Variants in PCDH15 observed in about 807,000 individuals in gnomAD.
PCDH15 encodes the protein protocadherin related 15.
PCDH15 carries 129 observed loss-of-function variants against 178.5 expected under a neutral mutation model. The ratio of observed to expected loss-of-function variants is 0.72; its 90% CI spans 0.63 to 0.84. The LOEUF (loss-of-function observed/expected upper bound fraction) is 0.84, where lower values mean the gene tolerates loss of function less well. Ranked by LOEUF, PCDH15 falls within the 40% of genes least tolerant of loss-of-function variation. The pLI is 0.00. For missense variants in PCDH15, 2,230 were observed against 2,099.9 expected, an observed-to-expected ratio of 1.06 and a Z score of -1.21; for synonymous variants, 800 against 732.0, an observed-to-expected ratio of 1.09 and a Z score of -1.50.
intron 2 of PCDH15, among the ~76,000 whole-genome samples, chr10:55,005,640 T>C (rs1839910823): frequency 6.6e-6 from 1 of 152,124 alleles, no homozygotes; most frequent in African/African-American, 2.4e-5. Context: ...TCCACATTTT[T>C]TTCCCTCTAT....
chr10:54,171,961 C>T (rs1387160618), intron 13 of PCDH15, among the ~76,000 whole-genome samples: 1 of 151,044 alleles, frequency 6.6e-6, no homozygotes, highest in East Asian at 1.9e-4. Flanking sequence ...AAACATCGCC[C>T]ATTCTCTCTC....
intron 2 of PCDH15, among the ~76,000 whole-genome samples, chr10:55,582,677 G>T (rs1479964689): frequency 2.9e-5 from 4 of 139,688 alleles, no homozygotes; most frequent in African/African-American, 8.1e-5. Context: ...ATAAGAAAGG[G>T]AACCACAGGT....
intron 2 of PCDH15, among the ~76,000 whole-genome samples, chr10:55,495,194 C>G (rs1258216198): frequency 1.3e-5 from 2 of 151,526 alleles, no homozygotes; most frequent in African/African-American, 4.8e-5. Flanking sequence ...TTGGATTAGC[C>G]AATGATTTCT....
intron 1 of PCDH15, among the ~76,000 whole-genome samples, chr10:54,722,424 C>G (rs1038903973): frequency 6.6e-6 from 1 of 151,694 alleles, no homozygotes; most frequent in Non-Finnish European, 1.5e-5. Context: ...GTTAATTTAA[C>G]TAGCAGTCAA....
Position 54,876,206 on chromosome 10 carries a change from T to G in PCDH15, c.-29+21244A>C, listed in dbSNP as rs60412798. Reference sequence around the variant, plus strand: ...CACATCCTTCCACAGCATGGTTTACTGAATACTTTCAGCCCACTATTGAGA... The same window carrying G: ...CACATCCTTCCACAGCATGGTTTACGGAATACTTTCAGCCCACTATTGAGA... On this transcript the variant is annotated intron_variant, in intron 3 of 5. Transcript: ENST00000458638. Among the ~76,000 whole-genome samples the G allele has an allele frequency of 9.5e-3, 1,451 of 152,236 alleles. 17 individuals are homozygous for G. The highest frequency in any genetic ancestry group is 0.033 in the African/African-American group (1,354 of 41,540).
intron 1 of PCDH15, among the ~76,000 whole-genome samples, chr10:55,260,629 T>A (rs766395016): frequency 2.6e-5 from 4 of 152,174 alleles, no homozygotes; most frequent in Non-Finnish European, 2.9e-5. Flanking sequence ...GCTGACTTCA[T>A]TAAAATATTC....
At chr10:54,490,301 T>A (rs141524477) in intron 3 of PCDH15, among the ~76,000 whole-genome samples, 2 of 151,454 alleles carry the variant, frequency 1.3e-5, no homozygotes, top group Admixed American at 1.3e-4. Context: ...ACACAAAAAA[T>A]TAGATGGGCG....
At chr10:54,923,681 T>C (rs1837549181) in intron 2 of PCDH15, among the ~76,000 whole-genome samples, 1 of 138,222 alleles carries the variant, frequency 7.2e-6, no homozygotes, top group Admixed American at 7.1e-5. Flanking sequence ...AAAGCTACAA[T>C]GCCACCAGTC....
intron 15 of PCDH15, among the ~76,000 whole-genome samples, chr10:54,114,986 T>A (rs1196937849): frequency 3.3e-5 from 5 of 152,266 alleles, no homozygotes; most frequent in South Asian, 4.1e-4. Context: ...GTAATTTTTT[T>A]AAAAAGTATT....
At chr10:55,314,318 A>G (rs1843667118) in intron 1 of PCDH15, among the ~76,000 whole-genome samples, 1 of 151,378 alleles carries the variant, frequency 6.6e-6, no homozygotes, top group South Asian at 2.1e-4. Flanking sequence ...CATTTTCTCT[A>G]ATGTTGACCT....
chr10:53,958,608 A>AT (rs1337829643), intron 23 of PCDH15, among the ~76,000 whole-genome samples: 1 of 152,162 alleles, frequency 6.6e-6, no homozygotes, highest in Non-Finnish European at 1.5e-5. Flanking sequence ...TATTAAGACC[A>AT]GAAGAGACCC....
intron 2 of PCDH15, among the ~76,000 whole-genome samples, chr10:55,545,167 C>T (rs1170753797): frequency 1.3e-5 from 2 of 151,934 alleles, no homozygotes; most frequent in African/African-American, 4.8e-5. Flanking sequence ...TACCACAGAA[C>T]CAAAATATTT....
At chr10:55,617,780 T>C (rs1843508923) in intron 2 of PCDH15, among the ~76,000 whole-genome samples, 1 of 152,006 alleles carries the variant, frequency 6.6e-6, no homozygotes, top group Non-Finnish European at 1.5e-5. Flanking sequence ...CAGAGTAGCA[T>C]TGGGTAACGA....
rs1013419059 is a variant in PCDH15 at position 55,568,069 on chromosome 10, G to T, written c.-156+59556C>A. Among the ~76,000 whole-genome samples the T allele has an allele frequency of 2.6e-5, 4 of 151,870 alleles. No homozygotes were observed. The East Asian group carries it at 5.8e-4, about 22-fold the overall frequency. ...TATGATTCTGCAATTCCATTTCTAGGTATGTACCCAATAGTTTCTTAAATA... is the reference window on the plus strand; with the variant it reads ...TATGATTCTGCAATTCCATTTCTAGTTATGTACCCAATAGTTTCTTAAATA... On this transcript the variant is annotated intron_variant, in intron 2 of 5. Coordinates refer to the PCDH15 transcript ENST00000613346.
At chr10:55,234,411 T>C (rs1266549475) in intron 1 of PCDH15, among the ~76,000 whole-genome samples, 1 of 149,758 alleles carries the variant, frequency 6.7e-6, no homozygotes, top group African/African-American at 2.5e-5. Flanking sequence ...AGATTTGTCA[T>C]TTTTTTTTTC....
chr10:53,896,012 A>T (rs142102992), intron 26 of PCDH15, among the ~76,000 whole-genome samples: 266 of 152,328 alleles, frequency 1.7e-3, no homozygotes, highest in African/African-American at 6.2e-3. Context: ...AGACTTACTG[A>T]GCTTCAATTT....
chr10:54,434,777 G>A (rs559223831), intron 3 of PCDH15, among the ~76,000 whole-genome samples: 2 of 152,164 alleles, frequency 1.3e-5, no homozygotes, highest in Non-Finnish European at 2.9e-5. Flanking sequence ...TGATGAATTA[G>A]TAAAAAGAAT....
chr10:54,162,616 C>T (rs17646169), intron 13 of PCDH15, among the ~76,000 whole-genome samples: 7,201 of 152,140 alleles, frequency 0.047, 218 homozygotes, highest in Middle Eastern at 0.14. Context: ...TGATTAATGG[C>T]CAATGCTGGA....
intron 2 of PCDH15, among the ~76,000 whole-genome samples, chr10:54,972,586 C>G (rs541668899): frequency 6.7e-6 from 1 of 148,738 alleles, no homozygotes; most frequent in African/African-American, 2.5e-5. Context: ...TGGTGGCTCA[C>G]GCCTGTAATC....
Sources: allele counts gnomAD v4.1 joint callset (sites outside exome capture counted in the v4.1 genomes callset), GRCh38; gene constraint gnomAD v4.1.1; transcripts MANE v1.5; gene names NCBI Gene and HGNC (gene_info 2026-07-23, HGNC 2026-07-21).